FAXDC2: variants seen among roughly 807,000 people sequenced by gnomAD.
The protein encoded by FAXDC2 is fatty acid hydroxylase domain containing 2, also known as fatty acid hydroxylase domain-containing protein 2.
A neutral mutation model predicts 40.9 loss-of-function variants in FAXDC2; 41 were observed. The ratio of observed to expected loss-of-function variants is 1.00; its 90% CI spans 0.78 to 1.30. The LOEUF (loss-of-function observed/expected upper bound fraction) is 1.30. Among genes scored for constraint, FAXDC2 ranks in the 50% most tolerant of loss-of-function variants. The probability of loss-of-function intolerance (pLI) is 0.00; values close to 1 mark genes in which losing one functional copy is unlikely to be tolerated. For missense variants in FAXDC2, 390 were observed against 408.8 expected, an observed-to-expected ratio of 0.95 and a Z score of 0.40; for synonymous variants, 157 against 149.3, an observed-to-expected ratio of 1.05 and a Z score of -0.38.
At chr5:154,820,525 A>C (rs1759858032) in intron 8 of FAXDC2, 53 bp from the exon 9 acceptor site, 1 of 1,466,292 alleles carries the variant, frequency 6.8e-7, no homozygotes, top group Non-Finnish European at 9.3e-7. Flanking sequence ...TTCCGTGCAG[A>C]TCCCATTTCA....
chr5:154,827,549 G>T (rs1760073348), intron 5 of FAXDC2, among the ~76,000 whole-genome samples: 1 of 150,754 alleles, frequency 6.6e-6, no homozygotes, highest in Non-Finnish European at 1.5e-5. Context: ...GCGAGGCCAG[G>T]TTTCGCCAGC....
rs1760012455 is a variant in FAXDC2 at position 154,825,651 on chromosome 5, A to AAAAAAAAAAAAAAAAAAC, written c.367-2060_367-2059insGTTTTTTTTTTTTTTTTT. On this transcript the variant is annotated intron_variant, in intron 5 of 8. Transcript: ENST00000326080. ...GGGTGACAGAGTGAGACTCCGTCTC[A>AAAAAAAAAAAAAAAAAAC]AAAAAAAAAAAAAAAAAGCAGTAAT... is the stretch of plus-strand genomic sequence containing the variant. Among the ~76,000 whole-genome samples the AAAAAAAAAAAAAAAAAAC allele has an allele frequency of 2.0e-5, 2 of 101,504 alleles. 1 individual carries two copies. The highest frequency in any genetic ancestry group is 4.2e-5 in the Non-Finnish European group (2 of 47,320). 66.6% of individuals were successfully genotyped at this position (101,504 alleles called of 152,430 possible). A position where few individuals can be genotyped will look rare whatever the true frequency, so the allele number is the denominator to read the frequency against.
chr5:154,847,656 A>C (rs1760633081), intron 1 of FAXDC2, among the ~76,000 whole-genome samples: 1 of 147,662 alleles, frequency 6.8e-6, no homozygotes, highest in Admixed American at 6.9e-5. Flanking sequence ...ATGCCTGGCT[A>C]ATTTTTTTAT....
chr5:154,846,010 G>A (rs1760591311), intron 1 of FAXDC2, among the ~76,000 whole-genome samples: 1 of 151,226 alleles, frequency 6.6e-6, no homozygotes, highest in Non-Finnish European at 1.5e-5. Flanking sequence ...CACCATGTTG[G>A]CCAGGATGGT....
At chr5:154,824,414 C>G in intron 5 of FAXDC2, 1 of 689,820 alleles carries the variant, frequency 1.4e-6, no homozygotes, top group Non-Finnish European at 2.7e-6. Flanking sequence ...GGGATTTCTG[C>G]CCCAAAGCGC....
chr5:154,847,591 G>A (rs1582544105), intron 1 of FAXDC2, among the ~76,000 whole-genome samples: 2 of 148,214 alleles, frequency 1.3e-5, no homozygotes, highest in Non-Finnish European at 3.0e-5. Flanking sequence ...GGGTTCAAGC[G>A]ATTCTCCTGC....
chr5:154,843,346 C>T (rs953819249), intron 1 of FAXDC2, among the ~76,000 whole-genome samples: 15 of 152,214 alleles, frequency 9.9e-5, no homozygotes, highest in Non-Finnish European at 1.8e-4. Context: ...GGCCTTTGAT[C>T]TTTAGGAGCT....
chr5:154,837,732 C>A (rs754452362), intron 2 of FAXDC2, among the ~76,000 whole-genome samples: 22 of 152,222 alleles, frequency 1.4e-4, no homozygotes, highest in Middle Eastern at 6.8e-3. Flanking sequence ...CAGGAAAACG[C>A]AGTGCAGGAG....
chr5:154,829,350 T>A (rs1432602125), intron 5 of FAXDC2: 1 of 152,954 alleles, frequency 6.5e-6, no homozygotes, highest in Non-Finnish European at 1.5e-5. Context: ...TGAGGATCTG[T>A]TTCTGATGTG....
At chr5:154,848,131 G>GCA (rs1388085447) in intron 1 of FAXDC2, among the ~76,000 whole-genome samples, 4 of 152,144 alleles carry the variant, frequency 2.6e-5, no homozygotes, top group Non-Finnish European at 5.9e-5. Flanking sequence ...GAGCCACCAT[G>GCA]CCCGGCCTAC....
chr5:154,849,526 C>T (rs973757994), intron 1 of FAXDC2, among the ~76,000 whole-genome samples: 1 of 151,946 alleles, frequency 6.6e-6, no homozygotes, highest in Non-Finnish European at 1.5e-5. Flanking sequence ...AAAGATTTGC[C>T]GAATAAATAA....
At chr5:154,839,061 C>T (rs1198171910) in intron 1 of FAXDC2, 1 of 152,090 alleles carries the variant, frequency 6.6e-6, no homozygotes, top group African/African-American at 2.4e-5. Context: ...GCGGGCAGCT[C>T]ACATCTGTAA....
chr5:154,832,513 T>C (rs1477851223), intron 4 of FAXDC2, among the ~76,000 whole-genome samples: 1 of 152,166 alleles, frequency 6.6e-6, no homozygotes, highest in African/African-American at 2.4e-5. Flanking sequence ...TATTTACTTT[T>C]ATACCCAGAA....
chr5:154,834,787 A>C, intron 3 of FAXDC2, 56 bp downstream of exon 3: 1 of 1,590,898 alleles, frequency 6.3e-7, no homozygotes, highest in South Asian at 1.1e-5. Context: ...TCCTTCCCCT[A>C]TGCTCTGCCC....
At chr5:154,825,274 G>A (rs1178039990) in intron 5 of FAXDC2, among the ~76,000 whole-genome samples, 1 of 151,796 alleles carries the variant, frequency 6.6e-6, no homozygotes, top group East Asian at 1.9e-4. Context: ...TGAGGCAGGA[G>A]AATCACTTGA....
chr5:154,842,838 T>TAA (rs200938375), intron 1 of FAXDC2, among the ~76,000 whole-genome samples: 2 of 149,340 alleles, frequency 1.3e-5, no homozygotes, highest in African/African-American at 5.0e-5. Context: ...CCCTTTTTTT[T>TAA]TAAAAAAAAA....
At chr5:154,823,625 A>C (rs1759944610) in intron 5 of FAXDC2, 33 bp from the exon 6 acceptor site, 1 of 1,576,472 alleles carries the variant, frequency 6.3e-7, no homozygotes, top group Non-Finnish European at 8.7e-7. Flanking sequence ...GAGATGGATA[A>C]GAGTGTGAGA....
intron 4 of FAXDC2, 120 bp from the exon 5 acceptor site, chr5:154,831,042 G>A: frequency 7.7e-7 from 1 of 1,290,850 alleles, no homozygotes; most frequent in Non-Finnish European, 1.1e-6. Context: ...TGCCAGGGAG[G>A]TCTTAGGGCT....
At chr5:154,832,774 G>T (rs1582529752) in intron 4 of FAXDC2, among the ~76,000 whole-genome samples, 1 of 152,252 alleles carries the variant, frequency 6.6e-6, no homozygotes, top group East Asian at 1.9e-4. Flanking sequence ...TAAAATATTT[G>T]AGGTTTTTTT....
Sources: gnomAD v4.1 joint callset for allele counts (sites outside exome capture counted in the v4.1 genomes callset) on GRCh38, gnomAD v4.1.1 for gene constraint, MANE v1.5 for transcripts, NCBI Gene and HGNC (gene_info 2026-07-23, HGNC 2026-07-21) for gene names.